The following GATAD2B variants were observed in gnomAD, a reference collection of about 807,000 sequenced individuals.
GATAD2B encodes transcriptional repressor p66-beta.
In GATAD2B, 8 loss-of-function variants were observed where a neutral mutation model predicts 64.3. That is an observed-to-expected ratio of 0.12 (90% confidence interval 0.07 to 0.22). The LOEUF (loss-of-function observed/expected upper bound fraction) is 0.22. Ranked by LOEUF, GATAD2B falls within the 10% of genes least tolerant of loss-of-function variation. The pLI, the probability that GATAD2B is intolerant of heterozygous loss-of-function variation, is 1.00. For missense variants in GATAD2B, 453 were observed against 752.0 expected (o/e 0.60, Z 4.65); for synonymous variants, 281 against 271.3 (o/e 1.04, Z -0.35).
intron 1 of GATAD2B, among the ~76,000 whole-genome samples, chr1:153,910,028 T>C (rs974536076): frequency 6.6e-6 from 1 of 151,608 alleles, no homozygotes; most frequent in Non-Finnish European, 1.5e-5. Context: ...GGCAGGCGAA[T>C]TGCTTGAACC....
At chr1:153,878,391 G>T (rs1676901971) in intron 1 of GATAD2B, among the ~76,000 whole-genome samples, 1 of 152,042 alleles carries the variant, frequency 6.6e-6, no homozygotes, top group South Asian at 2.1e-4. Flanking sequence ...CTCCCAAGGT[G>T]CTGGGATTAC....
intron 3 of GATAD2B, 98 bp downstream of exon 3, chr1:153,819,508 A>G (rs1674599073): frequency 1.1e-6 from 1 of 882,188 alleles, no homozygotes; most frequent in Admixed American, 2.6e-5. Flanking sequence ...ATTTATATCC[A>G]AAGAGTAAAT....
Position 153,813,326 on chromosome 1 carries a change from T to C in GATAD2B, c.1343A>G (p.Asn448Ser). The C allele has an allele frequency of 6.2e-7, 1 of 1,614,168 alleles. No individual in the cohort carries two copies. Among genetic ancestry groups the C allele is most frequent in the Non-Finnish European group, 8.5e-7 (1 of 1,180,000 alleles). ...TTCAGCTTTTAGAGCCTTTTTCTGG[T>C]TGGAGGTCATACACTGCTCACATAG... is the stretch of plus-strand genomic sequence containing the variant. ...KILCEQCMTSNQKKALKAEHT... is the reference protein window; with the variant it reads ...KILCEQCMTSSQKKALKAEHT... The change falls in exon 8 of 11, where the codon AAC (asparagine) becomes AGC (serine). Residue 448 changes from asparagine to serine, a missense_variant. Around this residue, in one of 2 missense-constraint regions of GATAD2B, gnomAD observed 160 missense variants for 334.7 expected, o/e 0.48. Transcript: ENST00000368655.
At chr1:153,903,287 T>C (rs993476290) in intron 1 of GATAD2B, among the ~76,000 whole-genome samples, 11 of 151,992 alleles carry the variant, frequency 7.2e-5, no homozygotes, top group African/African-American at 2.7e-4. Flanking sequence ...ACCCAAGTTT[T>C]CTCTCTATCA....
intron 3 of GATAD2B, among the ~76,000 whole-genome samples, 156 bp downstream of exon 3, chr1:153,819,450 T>C (rs1285501904): frequency 6.6e-6 from 1 of 152,250 alleles, no homozygotes; most frequent in Non-Finnish European, 1.5e-5. Flanking sequence ...TAGTTCCTTT[T>C]GAAAGCCCTT....
intron 3 of GATAD2B, 35 bp downstream of exon 3, chr1:153,819,571 A>G (rs772881580): frequency 1.8e-5 from 27 of 1,467,332 alleles, no homozygotes; most frequent in Non-Finnish European, 2.4e-5. Context: ...TAGAAGGAGC[A>G]TAACAAGAAG....
intron 1 of GATAD2B, among the ~76,000 whole-genome samples, chr1:153,896,014 T>C (rs1024416547): frequency 5.0e-4 from 39 of 77,278 alleles, no homozygotes; most frequent in Admixed American, 2.7e-3. Flanking sequence ...AAAAAAAAAA[T>C]TAGCTAGGTG....
At chr1:153,903,881 G>A (rs926489485) in intron 1 of GATAD2B, among the ~76,000 whole-genome samples, 7 of 152,164 alleles carry the variant, frequency 4.6e-5, no homozygotes, top group Non-Finnish European at 8.8e-5. Flanking sequence ...CTACTTGAGA[G>A]GTTAAAGTGG....
intron 1 of GATAD2B, among the ~76,000 whole-genome samples, chr1:153,879,390 T>C (rs938787106): frequency 6.6e-6 from 1 of 152,100 alleles, no homozygotes; most frequent in African/African-American, 2.4e-5. Context: ...CTTTATTCTT[T>C]AATATACTTT....
At position 153,809,312 on chromosome 1, in the gene GATAD2B, C is replaced by G. The variant is rs1674210572; in HGVS notation, c.*865G>C. On this transcript the variant is annotated 3_prime_UTR_variant, in exon 11 of 11. Coordinates refer to ENST00000368655, the MANE Select transcript of GATAD2B (RefSeq NM_020699.4). ...TAGACTTCCGTGTTCCCAATGGGGT[C>G]AGGAGATCGGTCTTATTTCCCCAAG... 6.6e-6 allele frequency: 1 copy of G among 152,150 alleles called. No individual in the cohort carries two copies. Among genetic ancestry groups the G allele is most frequent in the African/African-American group, 2.4e-5 (1 of 41,418 alleles). 9.4% of individuals were successfully genotyped at this position (152,150 alleles called of 1,614,324 possible).
chr1:153,903,295 T>G (rs1018625291), intron 1 of GATAD2B, among the ~76,000 whole-genome samples: 1 of 151,894 alleles, frequency 6.6e-6, no homozygotes, highest in African/African-American at 2.4e-5. Flanking sequence ...TTTCTCTCTA[T>G]CAGAACAATT....
intron 3 of GATAD2B, 102 bp from the exon 4 acceptor site, chr1:153,819,024 A>C: frequency 8.3e-7 from 1 of 1,209,442 alleles, no homozygotes; most frequent in South Asian, 1.4e-5. Flanking sequence ...TTCATCTTCC[A>C]CAAGAAGCAG....
At chr1:153,910,496 T>C (rs1013479540) in intron 1 of GATAD2B, among the ~76,000 whole-genome samples, 2 of 152,164 alleles carry the variant, frequency 1.3e-5, no homozygotes, top group African/African-American at 4.8e-5. Context: ...TCCCAGCACT[T>C]TGGGAGGCCA....
intron 1 of GATAD2B, among the ~76,000 whole-genome samples, chr1:153,849,439 G>C (rs1675810464): frequency 6.6e-6 from 1 of 152,142 alleles, no homozygotes; most frequent in Non-Finnish European, 1.5e-5. Flanking sequence ...TCACAAGATA[G>C]CAGATATCTA....
At chr1:153,815,280 C>CAAAACAAAAAA (rs1674428829) in intron 7 of GATAD2B, among the ~76,000 whole-genome samples, 6 of 66,628 alleles carry the variant, frequency 9.0e-5, no homozygotes, top group African/African-American at 1.3e-4. Context: ...CTCAAAAAAA[C>CAAAACAAAAAA]AAAAAAAAAA....
chr1:153,841,030 C>G (rs1675471490), intron 1 of GATAD2B, among the ~76,000 whole-genome samples: 1 of 147,926 alleles, frequency 6.8e-6, no homozygotes, highest in Admixed American at 6.9e-5. Flanking sequence ...GAAGCTGAAG[C>G]AGGAGAATGG....
intron 1 of GATAD2B, among the ~76,000 whole-genome samples, chr1:153,879,350 C>T (rs1361838938): frequency 1.3e-5 from 2 of 151,582 alleles, no homozygotes; most frequent in South Asian, 2.1e-4. Flanking sequence ...GCTGGGATTA[C>T]AGGCATGAGC....
intron 1 of GATAD2B, among the ~76,000 whole-genome samples, chr1:153,844,160 G>T (rs967943048): frequency 6.6e-6 from 1 of 152,060 alleles, no homozygotes; most frequent in Non-Finnish European, 1.5e-5. Flanking sequence ...AAATACTGAG[G>T]ATATCAGAGT....
intron 2 of GATAD2B, chr1:153,827,617 A>C (rs1674929954): frequency 5.5e-6 from 1 of 182,276 alleles, no homozygotes; most frequent in Non-Finnish European, 1.1e-5. Context: ...TTTGGATGTA[A>C]TAAAAGCTGG....
Sources: allele counts gnomAD v4.1 joint callset (sites outside exome capture counted in the v4.1 genomes callset), GRCh38; gene constraint gnomAD v4.1.1; regional missense constraint gnomAD v4.1.1; transcripts MANE v1.5; gene names NCBI Gene and HGNC (gene_info 2026-07-23, HGNC 2026-07-21).